KCNH7: variants seen among roughly 807,000 people sequenced by gnomAD.
The protein encoded by KCNH7 is potassium voltage-gated channel subfamily H member 7, also known as voltage-gated inwardly rectifying potassium channel KCNH7.
Under a neutral mutation model 120.8 loss-of-function variants are expected in KCNH7, and 49 were observed. The observed-to-expected ratio is 0.41, with a 90% CI of 0.32 to 0.51. The LOEUF (loss-of-function observed/expected upper bound fraction) is 0.51. Ranked by LOEUF, KCNH7 falls within the 20% of genes least tolerant of loss-of-function variation. The pLI is 0.38. For missense variants in KCNH7, 1,097 were observed against 1,446.6 expected (o/e 0.76, Z 3.92); for synonymous variants, 547 against 516.1 (o/e 1.06, Z -0.81).
At chr2:162,597,200 T>A (rs1347965737) in intron 2 of KCNH7, among the ~76,000 whole-genome samples, 1 of 152,060 alleles carries the variant, frequency 6.6e-6, no homozygotes, top group Non-Finnish European at 1.5e-5. Context: ...GGGTGATACA[T>A]CCAAATGAAT....
At chr2:162,636,068 T>C (rs1241220997) in intron 2 of KCNH7, among the ~76,000 whole-genome samples, 2 of 152,088 alleles carry the variant, frequency 1.3e-5, no homozygotes, top group Non-Finnish European at 2.9e-5. Flanking sequence ...TCAGGTATTT[T>C]AGTATCTATG....
At chr2:162,689,514 T>C (rs974826423) in intron 2 of KCNH7, among the ~76,000 whole-genome samples, 6 of 152,134 alleles carry the variant, frequency 3.9e-5, no homozygotes, top group Non-Finnish European at 7.4e-5. Context: ...GTTAAAAATA[T>C]GTTTTCTGCT....
At chr2:162,655,770 T>A (rs1421057013) in intron 2 of KCNH7, among the ~76,000 whole-genome samples, 5 of 152,126 alleles carry the variant, frequency 3.3e-5, no homozygotes, top group Non-Finnish European at 4.4e-5. Context: ...TCCAGCCTGG[T>A]GATAGAGCAA....
At chr2:162,733,095 G>C (rs1198095761) in intron 2 of KCNH7, among the ~76,000 whole-genome samples, 1 of 152,162 alleles carries the variant, frequency 6.6e-6, no homozygotes, top group African/African-American at 2.4e-5. Context: ...TCTGGGGCCA[G>C]GACTTTCCAG....
intron 13 of KCNH7, 38 bp from the exon 14 acceptor site, chr2:162,380,059 G>A: frequency 1.2e-6 from 2 of 1,605,518 alleles, no homozygotes; most frequent in East Asian, 4.5e-5. Flanking sequence ...ACACTCTTAG[G>A]TGCCCCTTTG....
Position 162,435,340 on chromosome 2 carries a change from T to G in KCNH7, c.1812A>C (p.Ser604=). 6.2e-7 allele frequency: 1 copy of G among 1,613,860 alleles called. No homozygotes were observed. Among genetic ancestry groups the G allele is most frequent in the South Asian group, 1.1e-5 (1 of 91,072 alleles). The change falls in exon 8 of 16, where the codon TCA becomes TCC. Residue 604 remains serine (S), a synonymous_variant. Coordinates refer to ENST00000332142, the MANE Select transcript of KCNH7 (RefSeq NM_033272.4). The part of the protein sequence containing the change: ...QIGKRYNDSD[S]SSGPSIKDKY... ...TGTCTTTAATGGATGGTCCAGAACT[T>G]GAGTCACTGTCATTGTAACGTTTCC...
At chr2:162,831,337 G>A (rs1685469910) in intron 2 of KCNH7, among the ~76,000 whole-genome samples, 1 of 152,116 alleles carries the variant, frequency 6.6e-6, no homozygotes, top group African/African-American at 2.4e-5. Flanking sequence ...GGATGGATCG[G>A]GGGAGAGAAA....
intron 2 of KCNH7, among the ~76,000 whole-genome samples, chr2:162,807,764 C>A (rs1452809802): frequency 5.3e-5 from 8 of 151,564 alleles, no homozygotes; most frequent in Non-Finnish European, 2.9e-5. Context: ...CTCACTGCAA[C>A]CTCCGCCTCC....
Position 162,436,996 on chromosome 2 carries a change from C to A in KCNH7, c.1555-1399G>T, listed in dbSNP as rs1345660983. On this transcript the variant is annotated intron_variant, in intron 7 of 15. Coordinates refer to ENST00000332142, the MANE Select transcript of KCNH7 (RefSeq NM_033272.4). ...AATTAGCTGGGTATGGTGGTGGATG[C>A]CTGTAGTCCCAGCTATTCTAGAGGC... Among the ~76,000 whole-genome samples the A allele has an allele frequency of 2.0e-5, 3 of 151,972 alleles. No homozygotes were observed. The South Asian group carries it at 6.2e-4, about 32-fold the overall frequency.
chr2:162,620,597 T>C (rs1335668427), intron 2 of KCNH7, among the ~76,000 whole-genome samples: 1 of 152,166 alleles, frequency 6.6e-6, no homozygotes, highest in African/African-American at 2.4e-5. Flanking sequence ...AACTTAGATC[T>C]ACATAGTTTT....
intron 2 of KCNH7, among the ~76,000 whole-genome samples, chr2:162,693,746 C>A (rs187592821): frequency 2.2e-3 from 335 of 152,214 alleles, no homozygotes; most frequent in Non-Finnish European, 3.9e-3. Context: ...GTATGTATTT[C>A]TTAATGACTG....
intron 2 of KCNH7, among the ~76,000 whole-genome samples, chr2:162,733,220 G>A (rs1401457769): frequency 3.3e-5 from 5 of 152,122 alleles, no homozygotes; most frequent in Non-Finnish European, 7.4e-5. Context: ...ATAAACTAGA[G>A]CTGAGTAGTT....
At chr2:162,720,107 A>T (rs1434992) in intron 2 of KCNH7, among the ~76,000 whole-genome samples, 3,891 of 152,098 alleles carry the variant, frequency 0.026, 76 homozygotes, top group East Asian at 0.049. Context: ...CTTCATGCTG[A>T]ATCCAACTGG....
intron 2 of KCNH7, among the ~76,000 whole-genome samples, chr2:162,787,889 C>A (rs1411619319): frequency 6.6e-6 from 1 of 152,106 alleles, no homozygotes; most frequent in Non-Finnish European, 1.5e-5. Context: ...CTGACCTTGG[C>A]ACCAGGCCAG....
At chr2:162,412,972 A>T (rs1291541499) in intron 9 of KCNH7, among the ~76,000 whole-genome samples, 15 of 152,166 alleles carry the variant, frequency 9.9e-5, no homozygotes, top group Admixed American at 4.6e-4. Flanking sequence ...AAAGCCTAAC[A>T]TGAAGTAAGT....
chr2:162,738,479 C>T (rs1688000046), intron 2 of KCNH7, among the ~76,000 whole-genome samples: 1 of 152,086 alleles, frequency 6.6e-6, no homozygotes, highest in Non-Finnish European at 1.5e-5. Context: ...TCAGGGTTCT[C>T]CAGAACTTGC....
intron 2 of KCNH7, among the ~76,000 whole-genome samples, chr2:162,717,322 A>T (rs1438292894): frequency 6.6e-6 from 1 of 152,096 alleles, no homozygotes; most frequent in Admixed American, 6.6e-5. Flanking sequence ...GATCCAAAAC[A>T]TGGAGAGGTT....
At chr2:162,491,696 C>G (rs759610792) in intron 6 of KCNH7, among the ~76,000 whole-genome samples, 1 of 152,238 alleles carries the variant, frequency 6.6e-6, no homozygotes, top group East Asian at 1.9e-4. Context: ...TGCCAGGACT[C>G]GGGGATATAA....
In KCNH7 at chr2:162,526,284, C is replaced by T. The variant is rs190352547; in HGVS notation, c.464-8126G>A. Among the ~76,000 whole-genome samples the T allele has an allele frequency of 3.0e-3, 461 of 151,874 alleles. 3 individuals carry two copies. The highest frequency in any genetic ancestry group is 0.011 in the African/African-American group (448 of 41,466). On this transcript the variant is annotated intron_variant, in intron 3 of 15. Coordinates refer to ENST00000332142, the MANE Select transcript of KCNH7 (RefSeq NM_033272.4). ...GGGCAAGATCACAGGACCACAGGAC[C>T]GAGGTGAAATTAAAATTGCTAGTGA...
Sources: gnomAD v4.1 joint callset for allele counts (sites outside exome capture counted in the v4.1 genomes callset) on GRCh38, gnomAD v4.1.1 for gene constraint, MANE v1.5 for transcripts, NCBI Gene and HGNC (gene_info 2026-07-23, HGNC 2026-07-21) for gene names.